MOCOS: variants seen among roughly 807,000 people sequenced by gnomAD.
MOCOS encodes the protein molybdenum cofactor sulfurase.
MOCOS carries 86 observed loss-of-function variants against 83.6 expected under a neutral mutation model. The observed-to-expected ratio is 1.03, with a 90% confidence interval of 0.86 to 1.23. The LOEUF (loss-of-function observed/expected upper bound fraction) is 1.23, where lower values mean the gene tolerates loss of function less well. Ranked by LOEUF, MOCOS falls within the 50% of genes most tolerant of loss-of-function variation. MOCOS has a pLI of 0.00. For synonymous variants in MOCOS, 445 were observed against 434.7 expected (o/e 1.02, Z -0.29); for missense variants, 1,120 against 1,126.9 (o/e 0.99, Z 0.09).
intron 1 of MOCOS, among the ~76,000 whole-genome samples, chr18:36,191,040 A>AAAAG (rs61485281): frequency 8.2e-5 from 12 of 146,602 alleles, no homozygotes; most frequent in East Asian, 6.1e-4. Flanking sequence ...AAGAAAAAGA[A>AAAAG]AAAAAAGTGT....
chr18:36,242,317 A>C (rs2091586843), intron 9 of MOCOS, among the ~76,000 whole-genome samples: 1 of 152,206 alleles, frequency 6.6e-6, no homozygotes. Flanking sequence ...CCACTTCCCC[A>C]CAAGTTCCTC....
At chr18:36,257,566 C>T (rs562317651) in intron 12 of MOCOS, among the ~76,000 whole-genome samples, 34 of 152,268 alleles carry the variant, frequency 2.2e-4, no homozygotes, top group African/African-American at 7.9e-4. Context: ...CCTCCCTGCC[C>T]ACTCCCACCC....
At chr18:36,256,908 A>G (rs915555146) in intron 11 of MOCOS, 60 bp from the exon 12 acceptor site, 71 of 1,394,770 alleles carry the variant, frequency 5.1e-5, no homozygotes, top group Admixed American at 3.4e-5. Context: ...GTCTATGGAA[A>G]CATGATTCAC....
chr18:36,241,051 T>A (rs1460497606), intron 9 of MOCOS, among the ~76,000 whole-genome samples: 5 of 152,196 alleles, frequency 3.3e-5, no homozygotes, highest in Non-Finnish European at 7.3e-5. Context: ...CCTAGTGAGA[T>A]GAACCCAGTA....
chr18:36,249,330 G>A (rs1006255647), intron 10 of MOCOS, among the ~76,000 whole-genome samples: 1 of 152,098 alleles, frequency 6.6e-6, no homozygotes, highest in Admixed American at 6.6e-5. Context: ...AGGGCCACAT[G>A]ACTACCCACA....
intron 9 of MOCOS, among the ~76,000 whole-genome samples, chr18:36,248,637 C>G: frequency 6.6e-6 from 1 of 152,150 alleles, no homozygotes. Context: ...AAATAGGGGT[C>G]TAGTTTTCTT....
intron 9 of MOCOS, among the ~76,000 whole-genome samples, chr18:36,231,541 T>TTTTTGTTTGTTTGTTTG: frequency 6.6e-6 from 1 of 152,280 alleles, no homozygotes; most frequent in African/African-American, 2.4e-5. Context: ...CATAGTAAGT[T>TTTTTGTTTGTTTGTTTG]TTTTGTTTGT....
At position 36,223,006 on chromosome 18, in the gene MOCOS, A is replaced by G. The variant is rs1394637434; in HGVS notation, c.1960+2789A>G. On this transcript the variant is annotated intron_variant, in intron 9 of 14. Coordinates refer to ENST00000261326, the MANE Select transcript of MOCOS (RefSeq NM_017947.4). ...TGAGGTTAACTACTTTTTCAGATAAATGGTTTGAAAATATTTTCTCCCATT... is the reference window on the plus strand; with the variant it reads ...TGAGGTTAACTACTTTTTCAGATAAGTGGTTTGAAAATATTTTCTCCCATT... Among the ~76,000 whole-genome samples the G allele has an allele frequency of 2.6e-5, 4 of 152,222 alleles. No homozygotes were observed. The East Asian group carries it at 7.7e-4, about 29-fold the overall frequency.
intron 13 of MOCOS, among the ~76,000 whole-genome samples, chr18:36,263,331 C>T (rs887665429): frequency 6.6e-6 from 1 of 152,078 alleles, no homozygotes; most frequent in Non-Finnish European, 1.5e-5. Flanking sequence ...GCCTTTATTG[C>T]AAAATTATTG....
chr18:36,198,866 A>C, intron 3 of MOCOS, 110 bp downstream of exon 3: 1 of 1,186,956 alleles, frequency 8.4e-7, no homozygotes, highest in Non-Finnish European at 1.2e-6. Context: ...GGAGGATCAC[A>C]GTTGGCTAAA....
intron 4 of MOCOS, 53 bp downstream of exon 4, chr18:36,200,377 C>T (rs892019014): frequency 2.5e-6 from 4 of 1,600,472 alleles, no homozygotes; most frequent in African/African-American, 2.7e-5. Flanking sequence ...TGGGGTCTGG[C>T]CTGTTTCTCC....
At chr18:36,240,126 C>T (rs1293681151) in intron 9 of MOCOS, among the ~76,000 whole-genome samples, 28 of 136,166 alleles carry the variant, frequency 2.1e-4, no homozygotes, top group Non-Finnish European at 1.5e-5. Context: ...AAGCCTTCTT[C>T]TCTCAGCTCG....
rs1283898183 is a variant in MOCOS, at chr18:36,215,992, A to C, written c.1797+15A>C. On this transcript the variant is annotated intron_variant, in intron 8 of 14. Transcript: ENST00000261326. ...CTGCATTTGAGGTAAGGAATTTCAC[A>C]GCAGCACAGAAAGTCTTCTCTTTGT... 1 of 1,602,726 alleles carries C rather than the reference A, an allele frequency of 6.2e-7. No homozygotes were observed. Among genetic ancestry groups the C allele is most frequent in the African/African-American group, 1.3e-5 (1 of 74,924 alleles).
chr18:36,193,397 CAT>C (rs1242868572), intron 1 of MOCOS, among the ~76,000 whole-genome samples: 9 of 130,046 alleles, frequency 6.9e-5, no homozygotes, highest in Non-Finnish European at 6.4e-5. Context: ...TAAGTATACA[CAT>C]ATAGACAAAT....
chr18:36,220,189 G>A lies in MOCOS; in HGVS notation c.1932G>A (p.Arg644=), dbSNP rs1458078557. The change falls in exon 9 of 15, where the codon CGG becomes CGA. Residue 644 remains arginine (R), a synonymous_variant. Coordinates refer to ENST00000261326, the MANE Select transcript of MOCOS (RefSeq NM_017947.4). ...TGATCCAGCCCTTCATCGACTTGCG[G>A]CAAAGGATCATGGTCATCAAAGCCA... The part of the protein sequence containing the change: ...LCLIQPFIDL[R]QRIMVIKAKG... 6.2e-7 allele frequency: 1 copy of A among 1,614,140 alleles called. No individual in the cohort carries two copies. Among genetic ancestry groups the A allele is most frequent in the Non-Finnish European group, 8.5e-7 (1 of 1,180,034 alleles).
chr18:36,200,100 A>G lies in MOCOS; in HGVS notation c.717A>G (p.Ala239=). 3 of 1,614,236 alleles carry G rather than the reference A, an allele frequency of 1.9e-6. No individual in the cohort carries two copies. The highest frequency in any genetic ancestry group is 2.5e-6 in the Non-Finnish European group (3 of 1,180,042). The part of the protein sequence containing the change: ...TPGKWFVLLD[A]ASYVSTSPLD... ...GGAAGTGGTTTGTGCTGCTGGATGC[A>G]GCCTCCTACGTGAGCACCTCGCCTT... The change falls in exon 4 of 15, where the codon GCA becomes GCG. Residue 239 remains alanine, a synonymous_variant. Coordinates refer to ENST00000261326, the MANE Select transcript of MOCOS (RefSeq NM_017947.4).
At position 36,248,794 on chromosome 18, in the gene MOCOS, G is replaced by A. The variant is rs545143404; in HGVS notation, c.1961-128G>A. 8 of 756,802 alleles carry A rather than the reference G, an allele frequency of 1.1e-5. No individual in the cohort carries two copies. In the African/African-American group the frequency reaches 1.4e-4, roughly 13 times the overall value. 46.9% of individuals were successfully genotyped at this position (756,802 alleles called of 1,614,324 possible). ...TTTTGGTTCTGTATCCTGTCACATT[G>A]GTCTATGTGTCTATTTTTATGTCAG... On this transcript the variant is annotated intron_variant, in intron 9 of 14. Coordinates refer to ENST00000261326, the MANE Select transcript of MOCOS (RefSeq NM_017947.4).
chr18:36,224,104 C>T (rs1385743686), intron 9 of MOCOS, among the ~76,000 whole-genome samples: 1 of 152,076 alleles, frequency 6.6e-6, no homozygotes, highest in Non-Finnish European at 1.5e-5. Context: ...TATAGAAATG[C>T]AATAGATTTT....
intron 9 of MOCOS, among the ~76,000 whole-genome samples, chr18:36,235,050 CT>C (rs887419635): frequency 4.6e-5 from 7 of 152,152 alleles, no homozygotes; most frequent in Admixed American, 3.3e-4. Context: ...TATTCTGCCC[CT>C]GGCCCCTCCC....
Sources: allele counts gnomAD v4.1 joint callset (sites outside exome capture counted in the v4.1 genomes callset), GRCh38; gene constraint gnomAD v4.1.1; transcripts MANE v1.5; gene names NCBI Gene and HGNC (gene_info 2026-07-23, HGNC 2026-07-21).